The following DDX60L variants were observed in gnomAD, a reference collection of about 807,000 sequenced individuals.
DDX60L encodes the protein DExD/H-box 60 like.
A neutral mutation model predicts 211.6 loss-of-function variants in DDX60L; 191 were observed. That is an observed-to-expected ratio of 0.90 (90% CI 0.80 to 1.02). The LOEUF (loss-of-function observed/expected upper bound fraction) is 1.02. DDX60L is among the 50% of genes least tolerant of loss of function. The pLI, the probability that DDX60L is intolerant of heterozygous loss-of-function variation, is 0.00. For missense variants in DDX60L, 2,007 were observed against 1,984.1 expected (o/e 1.01, Z -0.22); for synonymous variants, 706 against 694.1 (o/e 1.02, Z -0.27).
At chr4:168,473,616 G>A (rs1050744006) in intron 1 of DDX60L, among the ~76,000 whole-genome samples, 4 of 152,172 alleles carry the variant, frequency 2.6e-5, no homozygotes, top group African/African-American at 9.7e-5. Flanking sequence ...CTGAAAGGTG[G>A]CCAAGTTTCT....
intron 30 of DDX60L, among the ~76,000 whole-genome samples, chr4:168,383,826 C>G (rs1385979449): frequency 6.6e-6 from 1 of 152,168 alleles, no homozygotes; most frequent in Non-Finnish European, 1.5e-5. Context: ...ATGGTTAACA[C>G]TGAGTGTCAA....
intron 22 of DDX60L, among the ~76,000 whole-genome samples, chr4:168,406,965 C>T (rs1747851349): frequency 6.6e-6 from 1 of 152,146 alleles, no homozygotes; most frequent in South Asian, 2.1e-4. Context: ...ACTATTTGCA[C>T]TAGATAATAA....
Position 168,379,760 on chromosome 4 carries a change from TAA to T in DDX60L, c.4185_4186del (p.Tyr1396LeufsTer16), listed in dbSNP as rs1022343638. ...AAGGAGCTGCAAGGAAAACAAAAAG[TAA>T]AGTTTCAAAGTCTCCATGGCTCTTC... On this transcript the variant is annotated frameshift_variant, in exon 31 of 38. Transcript: ENST00000682922. LOFTEE classifies it high-confidence loss of function. 9.9e-6 allele frequency: 16 copies of T among 1,612,984 alleles called. No homozygotes were observed. Among genetic ancestry groups the T allele is most frequent in the South Asian group, 1.1e-5 (1 of 91,032 alleles).
At chr4:168,469,589 G>A (rs1030122874) in intron 4 of DDX60L, 7 of 152,220 alleles carry the variant, frequency 4.6e-5, no homozygotes, top group South Asian at 2.1e-4. Flanking sequence ...CTAAGAAAAC[G>A]AAGTGGCAGC....
chr4:168,428,120 T>C (rs1306731212), intron 13 of DDX60L, among the ~76,000 whole-genome samples: 2 of 152,230 alleles, frequency 1.3e-5, no homozygotes, highest in Admixed American at 6.5e-5. Context: ...TTCAGGATGC[T>C]GTATTCACTT....
At chr4:168,416,110 C>A (rs1749519086) in intron 20 of DDX60L, among the ~76,000 whole-genome samples, 1 of 152,196 alleles carries the variant, frequency 6.6e-6, no homozygotes. Flanking sequence ...GCTGCTGTTA[C>A]TGCCATCGTC....
At chr4:168,429,392 C>T (rs1751992300) in intron 13 of DDX60L, among the ~76,000 whole-genome samples, 2 of 152,226 alleles carry the variant, frequency 1.3e-5, no homozygotes, top group East Asian at 3.9e-4. Flanking sequence ...TCAGGTGATC[C>T]GCCCACCTTG....
At chr4:168,381,430 T>C (rs975406568) in intron 30 of DDX60L, among the ~76,000 whole-genome samples, 1 of 152,048 alleles carries the variant, frequency 6.6e-6, no homozygotes, top group African/African-American at 2.4e-5. Context: ...TATGCCACCA[T>C]ACCCAGCCAG....
At chr4:168,358,355 A>G (rs1738485495) in intron 37 of DDX60L, 79 bp from the exon 38 acceptor site, 1 of 1,088,546 alleles carries the variant, frequency 9.2e-7, no homozygotes, top group Admixed American at 3.3e-5. Flanking sequence ...AGGTTAGCAG[A>G]AGTAATTCCC....
intron 9 of DDX60L, among the ~76,000 whole-genome samples, chr4:168,441,708 G>A (rs755317689): frequency 3.9e-5 from 6 of 151,934 alleles, no homozygotes; most frequent in African/African-American, 7.3e-5. Flanking sequence ...GCAGAGCCAG[G>A]TACTGTGACA....
chr4:168,478,508 G>A (rs1341233330), intron 1 of DDX60L, among the ~76,000 whole-genome samples: 1 of 152,076 alleles, frequency 6.6e-6, no homozygotes, highest in Admixed American at 6.5e-5. Context: ...CAAGCAGCAG[G>A]TTATAAAAAA....
In DDX60L at chr4:168,406,661, C is replaced by T. The variant is rs895032966; in HGVS notation, c.3025G>A (p.Glu1009Lys). 2 of 1,607,608 alleles carry T rather than the reference C, an allele frequency of 1.2e-6. No individual in the cohort carries two copies. The highest frequency in any genetic ancestry group is 1.6e-4 in the Middle Eastern group (1 of 6,068). Reference protein sequence around the residue: ...FPPDLTLTPQESIQLYDTMAQ... With the variant: ...FPPDLTLTPQKSIQLYDTMAQ... ...ATGGTATCATAAAGCTGGATGCTTT[C>T]TTGAGGGGTGAGGGTAAGATCAGGT... Residue 1009 changes from glutamate (E) to lysine (K), a missense_variant, in exon 23 of 38, where the codon GAA becomes AAA. Glu to Lys is a moderately conservative substitution (Grantham distance 56). Transcript: ENST00000682922.
chr4:168,379,329 A>G lies in DDX60L; in HGVS notation c.4363+34T>C, dbSNP rs1038637980. The G allele has an allele frequency of 3.4e-6, 5 of 1,485,786 alleles. No individual in the cohort carries two copies. In the African/African-American group the frequency reaches 7.2e-5, roughly 21 times the overall value. The allele number at this position is 1,485,786 out of a possible 1,614,324, so 92.0% of individuals were successfully genotyped here. A position where few individuals can be genotyped will look rare whatever the true frequency, so the allele number is the denominator to read the frequency against. ...TTGGCTATTCAATAAATATGTTGCC[A>G]TTTTTCGACTACAGGTATAAAACCC... On this transcript the variant is annotated intron_variant, in intron 32 of 37. Transcript: ENST00000682922.
At chr4:168,442,660 C>T (rs1324514424) in intron 9 of DDX60L, among the ~76,000 whole-genome samples, 1 of 151,760 alleles carries the variant, frequency 6.6e-6, no homozygotes, top group Non-Finnish European at 1.5e-5. Context: ...GTGGTTCTCC[C>T]AGCACGCAGC....
chr4:168,402,665 C>T (rs1042677815), intron 25 of DDX60L, among the ~76,000 whole-genome samples: 21 of 152,152 alleles, frequency 1.4e-4, no homozygotes, highest in African/African-American at 3.1e-4. Flanking sequence ...CTCTTAACTA[C>T]GCCTCTACAT....
At chr4:168,414,697 T>G (rs1434651391) in intron 22 of DDX60L, among the ~76,000 whole-genome samples, 1 of 152,052 alleles carries the variant, frequency 6.6e-6, no homozygotes, top group Non-Finnish European at 1.5e-5. Context: ...TAAGATCCTA[T>G]CGTTTGCAAC....
intron 4 of DDX60L, chr4:168,469,267 TG>T (rs1758416670): frequency 1.4e-5 from 1 of 69,504 alleles, no homozygotes. Context: ...TATAATCATT[TG>T]ATTTTTTGAT....
Position 168,461,839 on chromosome 4 carries a change from AC to A in DDX60L, c.465del (p.Tyr156ThrfsTer6), listed in dbSNP as rs757373268. On this transcript the variant is annotated frameshift_variant, in exon 5 of 38. Transcript: ENST00000682922. LOFTEE classifies it high-confidence loss of function. ...TGTATGATTAGGAAGTTAAAAAGGTACGTTTGTAAATCACTCAGGCCTTCCT... is the reference window on the plus strand; with the variant it reads ...TGTATGATTAGGAAGTTAAAAAGGTAGTTTGTAAATCACTCAGGCCTTCCT... Reference protein sequence around the residue: ...VSEEGLSDLQTYLFNFLIIHS... With the variant: ...VSEEGLSDLQXYLFNFLIIHS... 1 of 1,608,878 alleles carries A rather than the reference AC, an allele frequency of 6.2e-7. No individual in the cohort carries two copies. The highest frequency in any genetic ancestry group is 1.3e-5 in the African/African-American group (1 of 74,896).
intron 22 of DDX60L, 69 bp from the exon 23 acceptor site, chr4:168,406,775 T>A (rs1245556073): frequency 8.5e-7 from 1 of 1,179,026 alleles, no homozygotes; most frequent in African/African-American, 1.6e-5. Flanking sequence ...TTTTATTTTA[T>A]CTTTCATGAC....
Sources: gnomAD v4.1 joint callset for allele counts (sites outside exome capture counted in the v4.1 genomes callset) on GRCh38, gnomAD v4.1.1 for gene constraint, MANE v1.5 for transcripts, NCBI Gene and HGNC (gene_info 2026-07-23, HGNC 2026-07-21) for gene names.